The following TGFBR2 variants were observed in gnomAD, a reference collection of about 807,000 sequenced individuals.
The protein encoded by TGFBR2 is TGF-beta receptor type-2.
TGFBR2 carries 18 observed loss-of-function variants against 49.0 expected under a neutral mutation model. The observed-to-expected ratio is 0.37, with a 90% confidence interval of 0.25 to 0.54. TGFBR2 has a LOEUF of 0.54. Among genes scored for constraint, TGFBR2 ranks in the 20% least tolerant of loss-of-function variants. The pLI, the probability that TGFBR2 is intolerant of heterozygous loss-of-function variation, is 0.85. For synonymous variants in TGFBR2, 282 were observed against 275.9 expected (o/e 1.02, Z -0.22); for missense variants, 525 against 722.6 (o/e 0.73, Z 3.13).
At chr3:30,617,936 C>T (rs1466267162) in intron 1 of TGFBR2, among the ~76,000 whole-genome samples, 1 of 152,118 alleles carries the variant, frequency 6.6e-6, no homozygotes, top group Admixed American at 6.5e-5. Context: ...AAAGAGTAGC[C>T]AAATGATCTG....
intron 1 of TGFBR2, among the ~76,000 whole-genome samples, chr3:30,620,661 G>T (rs544803318): frequency 6.6e-6 from 1 of 152,062 alleles, no homozygotes; most frequent in Non-Finnish European, 1.5e-5. Flanking sequence ...TTTGCAGAAG[G>T]CTCAATGCAT....
chr3:30,687,427 A>G (rs1441286819), intron 5 of TGFBR2, among the ~76,000 whole-genome samples: 3 of 152,042 alleles, frequency 2.0e-5, no homozygotes, highest in Non-Finnish European at 4.4e-5. Flanking sequence ...GGATCTCGCT[A>G]TGTTGCCCAG....
Position 30,606,630 on chromosome 3 carries a change from G to A in TGFBR2, c.-254G>A, listed in dbSNP as rs916872243. The A allele has an allele frequency of 2.2e-5, 8 of 362,932 alleles. No homozygotes were observed. Among genetic ancestry groups the A allele is most frequent in the Non-Finnish European group, 4.0e-5 (8 of 202,000 alleles). 22.5% of individuals were successfully genotyped at this position (362,932 alleles called of 1,614,324 possible). A position where few individuals can be genotyped will look rare whatever the true frequency, so the allele number is the denominator to read the frequency against. On this transcript the variant is annotated 5_prime_UTR_variant, in exon 1 of 7. Transcript: ENST00000295754. ...GCGCGCACGGAGCGACGACACCCCCGCGCGTGCACCCGCTCGGGACAGGAG... is the reference window on the plus strand; with the variant it reads ...GCGCGCACGGAGCGACGACACCCCCACGCGTGCACCCGCTCGGGACAGGAG...
At position 30,625,319 on chromosome 3, in the gene TGFBR2, A is replaced by G. The variant is rs931685724; in HGVS notation, c.94+18342A>G. Among the ~76,000 whole-genome samples the G allele has an allele frequency of 2.0e-5, 3 of 152,160 alleles. No homozygotes were observed. The East Asian group carries it at 5.8e-4, about 29-fold the overall frequency. On this transcript the variant is annotated intron_variant, in intron 1 of 6. Coordinates refer to ENST00000295754, the MANE Select transcript of TGFBR2 (RefSeq NM_003242.6). Reference sequence around the variant, plus strand: ...TGTGTAACGTCTGTTTAGCATTGCAATTTTCTGAAGGGAAGGCTATCCACA... The same window carrying G: ...TGTGTAACGTCTGTTTAGCATTGCAGTTTTCTGAAGGGAAGGCTATCCACA...
At chr3:30,644,957 T>C in intron 2 of TGFBR2, 42 bp downstream of exon 2, 1 of 1,567,784 alleles carries the variant, frequency 6.4e-7, no homozygotes, top group Non-Finnish European at 8.8e-7. Flanking sequence ...TTTTCCCCTT[T>C]TTACATAATG....
chr3:30,637,019 G>A (rs916855848), intron 1 of TGFBR2, among the ~76,000 whole-genome samples: 5 of 150,068 alleles, frequency 3.3e-5, no homozygotes, highest in Non-Finnish European at 5.9e-5. Flanking sequence ...AGCCGAGATC[G>A]CGCCACTGCA....
At chr3:30,658,457 A>G (rs1699049719) in intron 3 of TGFBR2, among the ~76,000 whole-genome samples, 1 of 152,154 alleles carries the variant, frequency 6.6e-6, no homozygotes, top group African/African-American at 2.4e-5. Flanking sequence ...AATCAATTAT[A>G]TCTTGCTAGC....
At chr3:30,653,111 G>A (rs1698924723) in intron 3 of TGFBR2, among the ~76,000 whole-genome samples, 1 of 151,978 alleles carries the variant, frequency 6.6e-6, no homozygotes, top group African/African-American at 2.4e-5. Flanking sequence ...GAAGGTAGGG[G>A]GTGTTTGCTT....
chr3:30,655,071 T>C (rs1872979), intron 3 of TGFBR2, among the ~76,000 whole-genome samples: 112,744 of 152,152 alleles, frequency 0.74, 41,910 homozygotes, highest in African/African-American at 0.76. Context: ...TTCAGTCTCT[T>C]CATCTGTAAA....
Position 30,606,801 on chromosome 3 carries a change from G to A in TGFBR2, c.-83G>A, listed in dbSNP as rs1336784925. 1 of 1,054,580 alleles carries A rather than the reference G, an allele frequency of 9.5e-7. No individual in the cohort carries two copies. Among genetic ancestry groups the A allele is most frequent in the Non-Finnish European group, 1.2e-6 (1 of 804,550 alleles). The allele number at this position is 1,054,580 out of a possible 1,614,324, so 65.3% of individuals were successfully genotyped here. A position where few individuals can be genotyped will look rare whatever the true frequency, so the allele number is the denominator to read the frequency against. The stretch of plus-strand genomic sequence containing the variant: ...CCGGCGCGGGGTCCGGAGAGGGCGC[G>A]GCGCGGAGGCGCAGCCAGGGGTCCG... On this transcript the variant is annotated 5_prime_UTR_variant, in exon 1 of 7. Coordinates refer to ENST00000295754, the MANE Select transcript of TGFBR2 (RefSeq NM_003242.6).
chr3:30,674,009 C>T (rs923115077), intron 4 of TGFBR2, 96 bp from the exon 5 acceptor site: 112 of 1,462,732 alleles, frequency 7.7e-5, no homozygotes, highest in African/African-American at 7.0e-5. Flanking sequence ...TTAAAAAAAT[C>T]CTCTGCACGT....
chr3:30,678,375 G>A (rs570020861), intron 5 of TGFBR2, among the ~76,000 whole-genome samples: 1 of 151,892 alleles, frequency 6.6e-6, no homozygotes, highest in African/African-American at 2.4e-5. Context: ...GTGAAACCCC[G>A]TCTCTACTAA....
At chr3:30,675,393 C>CTT (rs5847637) in intron 5 of TGFBR2, among the ~76,000 whole-genome samples, 60,789 of 145,040 alleles carry the variant, frequency 0.42, 12,979 homozygotes, top group South Asian at 0.47. Flanking sequence ...TAACTCCACC[C>CTT]TTTTTTTTTT....
intron 1 of TGFBR2, among the ~76,000 whole-genome samples, chr3:30,626,067 A>T (rs952123969): frequency 6.6e-6 from 1 of 152,220 alleles, no homozygotes; most frequent in Non-Finnish European, 1.5e-5. Context: ...GCCCTGGGGT[A>T]GGACTTTGGC....
In TGFBR2 at chr3:30,672,222, C is replaced by T. The variant is rs1247177623; in HGVS notation, c.1039C>T (p.Leu347=). Residue 347 remains leucine (L), a synonymous_variant, in exon 4 of 7, where the codon CTG becomes TTG. Coordinates refer to ENST00000295754, the MANE Select transcript of TGFBR2 (RefSeq NM_003242.6). This position sits in a 1 kb window ranked among gnomAD's most constrained non-coding sequence, Gnocchi z 4.5. ...GCGGCATGTCATCAGCTGGGAGGACCTGCGCAAGCTGGGCAGCTCCCTCGC... is the reference window on the plus strand; with the variant it reads ...GCGGCATGTCATCAGCTGGGAGGACTTGCGCAAGCTGGGCAGCTCCCTCGC... ...LTRHVISWED[L]RKLGSSLARG... 1.9e-6 allele frequency: 3 copies of T among 1,609,146 alleles called. No individual in the cohort carries two copies. Among genetic ancestry groups the T allele is most frequent in the Non-Finnish European group, 2.6e-6 (3 of 1,176,128 alleles).
intron 1 of TGFBR2, among the ~76,000 whole-genome samples, chr3:30,624,487 G>T (rs1029604607): frequency 2.0e-5 from 3 of 151,992 alleles, no homozygotes; most frequent in African/African-American, 7.3e-5. Flanking sequence ...GTGGTGGCAC[G>T]TGCCTCTAGT....
intron 1 of TGFBR2, among the ~76,000 whole-genome samples, chr3:30,610,115 C>T (rs1362660659): frequency 6.6e-6 from 1 of 152,184 alleles, no homozygotes; most frequent in Non-Finnish European, 1.5e-5. Flanking sequence ...ACCTTTTCAA[C>T]CATATTTATT....
chr3:30,656,572 G>C (rs902378898), intron 3 of TGFBR2, among the ~76,000 whole-genome samples: 1 of 152,168 alleles, frequency 6.6e-6, no homozygotes, highest in African/African-American at 2.4e-5. Context: ...TTCTTGGGTT[G>C]TTTGCTAAGA....
chr3:30,632,781 A>G (rs1698460892), intron 1 of TGFBR2, among the ~76,000 whole-genome samples: 1 of 152,182 alleles, frequency 6.6e-6, no homozygotes, highest in Non-Finnish European at 1.5e-5. Context: ...ATGATCCTAC[A>G]TGGGACGATT....
Sources: allele counts gnomAD v4.1 joint callset (sites outside exome capture counted in the v4.1 genomes callset), GRCh38; gene constraint gnomAD v4.1.1; non-coding constraint Gnocchi (gnomAD v3.1); transcripts MANE v1.5; gene names NCBI Gene and HGNC (gene_info 2026-07-23, HGNC 2026-07-21).